The following SP6 variants were observed in gnomAD, a reference collection of about 807,000 sequenced individuals.
SP6 encodes the protein Sp6 transcription factor.
A neutral mutation model predicts 23.4 loss-of-function variants in SP6; 10 were observed. The observed-to-expected ratio is 0.43, with a 90% CI of 0.26 to 0.72. The LOEUF (loss-of-function observed/expected upper bound fraction) is 0.72. Ranked by LOEUF, SP6 falls within the 30% of genes least tolerant of loss-of-function variation. The pLI is 0.23. For synonymous variants in SP6, 238 were observed against 238.7 expected, an observed-to-expected ratio of 1.00 and a Z score of 0.03; for missense variants, 482 against 523.8, an observed-to-expected ratio of 0.92 and a Z score of 0.78.
chr17:47,868,339 G>A, the SP6 span, among the ~76,000 whole-genome samples: 1 of 152,240 alleles, frequency 6.6e-6, no homozygotes, highest in Admixed American at 6.5e-5. Flanking sequence ...TTTACAAGGT[G>A]GCGGGAGACT....
chr17:47,866,007 G>A, the SP6 span, among the ~76,000 whole-genome samples: 6 of 152,108 alleles, frequency 3.9e-5, no homozygotes, highest in Admixed American at 3.3e-4. Context: ...GCTCAGGGGA[G>A]ACATGCTTCA....
At position 47,848,230 on chromosome 17, in the gene SP6, T is replaced by C; in HGVS notation, c.200A>G (p.Tyr67Cys). 7 of 1,612,328 alleles carry C rather than the reference T, an allele frequency of 4.3e-6. No individual in the cohort carries two copies. The highest frequency in any genetic ancestry group is 5.9e-6 in the Non-Finnish European group (7 of 1,179,368). Residue 67 changes from tyrosine to cysteine, a missense_variant, in exon 2 of 2, where the codon TAT becomes TGT. Tyr to Cys is a radical substitution (Grantham distance 194). Coordinates refer to ENST00000536300, the MANE Select transcript of SP6 (RefSeq NM_001258248.2). This position sits in a 1 kb window ranked among gnomAD's most constrained non-coding sequence, Gnocchi z 5.3. ...LGPEVDFSQG[Y>C]ELPGASSRVT... is the part of the protein sequence containing the mutation. The stretch of plus-strand genomic sequence containing the variant: ...CCGCGAGGAGGCCCCTGGCAGCTCA[T>C]AGCCCTGCGAGAAGTCCACCTCCGG...
upstream of SP6, among the ~76,000 whole-genome samples, chr17:47,858,847 T>C (rs1000011756): frequency 3.6e-5 from 5 of 138,064 alleles, no homozygotes; most frequent in Non-Finnish European, 6.1e-5. Context: ...CCATCTTGGC[T>C]CACTGCAACC....
Position 47,848,348 on chromosome 17 carries a change from G to A in SP6, c.82C>T (p.Pro28Ser). Residue 28 changes from proline to serine, a missense_variant, in exon 2 of 2, where the codon CCT (proline) becomes TCT (serine). Transcript: ENST00000536300. This position sits in a 1 kb window ranked among gnomAD's most constrained non-coding sequence, Gnocchi z 5.3. ...HASPPRLDLQPLQTYQGHTSP... is the reference protein window; with the variant it reads ...HASPPRLDLQSLQTYQGHTSP... Reference sequence around the variant, plus strand: ...GTGTGGCCCTGGTAAGTTTGGAGAGGCTGCAGGTCGAGGCGCGGCGGGGAG... The same window carrying A: ...GTGTGGCCCTGGTAAGTTTGGAGAGACTGCAGGTCGAGGCGCGGCGGGGAG... 2 of 1,603,598 alleles carry A rather than the reference G, an allele frequency of 1.2e-6. No homozygotes were observed. The highest frequency in any genetic ancestry group is 1.7e-6 in the Non-Finnish European group (2 of 1,175,188).
chr17:47,848,159 G>C lies in SP6; in HGVS notation c.271C>G (p.Pro91Ala). Residue 91 changes from proline (P) to alanine (A), a missense_variant, in exon 2 of 2, where the codon CCC becomes GCC. Pro to Ala is a conservative substitution (Grantham distance 27, BLOSUM62 -1). This residue lies in a region of SP6 where 330 missense variants were observed against 332.3 expected (regional missense o/e 0.99). Transcript: ENST00000536300. The surrounding 1 kb of genome is among the most constrained non-coding windows in gnomAD (Gnocchi z 5.3). ...LESDSPLAPG[P>A]FSKLLQPDMS... ...TCCGGCTGCAGGAGCTTGGAAAAGG[G>C]GCCCGGGGCCAAGGGACTGTCGCTT... 1.2e-6 allele frequency: 2 copies of C among 1,613,428 alleles called. No individual in the cohort carries two copies. Among genetic ancestry groups the C allele is most frequent in the Non-Finnish European group, 1.7e-6 (2 of 1,179,996 alleles).
At chr17:47,871,822 T>C in the SP6 span, among the ~76,000 whole-genome samples, 2 of 152,168 alleles carry the variant, frequency 1.3e-5, no homozygotes, top group Non-Finnish European at 2.9e-5. Flanking sequence ...GGTTTCACCA[T>C]GTTGCCCAGG....
chr17:47,850,253 C>A (rs566378984), intron 1 of SP6, among the ~76,000 whole-genome samples: 11 of 152,252 alleles, frequency 7.2e-5, no homozygotes, highest in African/African-American at 2.6e-4. Context: ...GCCTGGGATG[C>A]AATGGCCTGC....
At chr17:47,867,570 G>C in the SP6 span, among the ~76,000 whole-genome samples, 1 of 152,256 alleles carries the variant, frequency 6.6e-6, no homozygotes, top group African/African-American at 2.4e-5. Flanking sequence ...CTTGTGCAAG[G>C]GTAGACCACC....
chr17:47,873,639 G>T, the SP6 span, among the ~76,000 whole-genome samples: 2 of 152,254 alleles, frequency 1.3e-5, no homozygotes, highest in East Asian at 3.9e-4. Context: ...GGCTCTTCCC[G>T]AGTTGAGCCC....
At chr17:47,856,392 G>A (rs1219147730), upstream of SP6, among the ~76,000 whole-genome samples, 1 of 152,126 alleles carries the variant, frequency 6.6e-6, no homozygotes, top group Non-Finnish European at 1.5e-5. Flanking sequence ...ATGGACAAGA[G>A]GTCACCTAAG....
At chr17:47,871,301 T>C in the SP6 span, among the ~76,000 whole-genome samples, 1 of 152,240 alleles carries the variant, frequency 6.6e-6, no homozygotes, top group Non-Finnish European at 1.5e-5. Context: ...GTGCAAACCA[T>C]TGTGATATGT....
At position 47,848,619 on chromosome 17, in the gene SP6, A is replaced by G; in HGVS notation, c.-57-133T>C. 1 of 559,070 alleles carries G rather than the reference A, an allele frequency of 1.8e-6. No homozygotes were observed. The highest frequency in any genetic ancestry group is 1.9e-5 in the African/African-American group (1 of 52,374). The allele number at this position is 559,070 out of a possible 1,614,324, so 34.6% of individuals were successfully genotyped here. ...GAACGAGGACTAGAGATGAGTTTAG[A>G]GAATTCGGGAGTGCGAGGAAGGGTC... On this transcript the variant is annotated intron_variant, in intron 1 of 1. Transcript: ENST00000536300. The surrounding 1 kb of genome is among the most constrained non-coding windows in gnomAD (Gnocchi z 5.3).
the SP6 span, among the ~76,000 whole-genome samples, chr17:47,876,032 C>CA: frequency 2.0e-5 from 3 of 152,026 alleles, no homozygotes; most frequent in Admixed American, 6.5e-5. Flanking sequence ...GCCCTGTTGC[C>CA]AAAAAACCCT....
the SP6 span, among the ~76,000 whole-genome samples, chr17:47,863,992 C>T: frequency 2.0e-5 from 3 of 149,178 alleles, no homozygotes; most frequent in African/African-American, 2.5e-5. Context: ...CATGAGCTAC[C>T]GCGCCTGGCT....
At chr17:47,853,309 A>C (rs866309108), upstream of SP6, among the ~76,000 whole-genome samples, 2 of 152,176 alleles carry the variant, frequency 1.3e-5, no homozygotes. Flanking sequence ...TCATCAACGC[A>C]GCTTTGTCTC....
rs776686751 is a variant in SP6 at position 47,847,695 on chromosome 17, G to T, written c.735C>A (p.Pro245=). The T allele has an allele frequency of 1.9e-6, 3 of 1,605,916 alleles. No homozygotes were observed. The South Asian group carries it at 3.3e-5, about 18-fold the overall frequency. The change falls in exon 2 of 2, where the codon CCC becomes CCA. Residue 245 remains proline, a synonymous_variant. Transcript: ENST00000536300. ...GCAAATGCTTCTTCTTGCCCCCATC[G>T]GGCCCACATGGAGCCCCCAGTCGCT... ...EAERLGAPCG[P]DGGKKKHLHN...
chr17:47,873,711 G>C, the SP6 span, among the ~76,000 whole-genome samples: 1 of 152,124 alleles, frequency 6.6e-6, no homozygotes. Context: ...TGCTCTGCTT[G>C]TCATCCTCCC....
upstream of SP6, among the ~76,000 whole-genome samples, chr17:47,859,916 C>T (rs1391392447): frequency 2.6e-5 from 4 of 152,248 alleles, no homozygotes; most frequent in South Asian, 4.1e-4. Flanking sequence ...GTGTCAGTCA[C>T]GGAGACAGGC....
the SP6 span, among the ~76,000 whole-genome samples, chr17:47,866,628 G>T: frequency 6.6e-6 from 1 of 152,212 alleles, no homozygotes; most frequent in African/African-American, 2.4e-5. Flanking sequence ...GTGAACAAAG[G>T]CTCTGGGATC....
Sources: allele counts gnomAD v4.1 joint callset (sites outside exome capture counted in the v4.1 genomes callset), GRCh38; gene constraint gnomAD v4.1.1; regional missense constraint gnomAD v4.1.1; non-coding constraint Gnocchi (gnomAD v3.1); transcripts MANE v1.5; gene names NCBI Gene and HGNC (gene_info 2026-07-23, HGNC 2026-07-21).